Variants in KCNQ1 observed in about 807,000 individuals in gnomAD.
The protein encoded by KCNQ1 is potassium voltage-gated channel subfamily KQT member 1.
KCNQ1 carries 49 observed loss-of-function variants against 72.4 expected under a neutral mutation model. The observed-to-expected ratio is 0.68, with a 90% confidence interval of 0.54 to 0.86. The LOEUF is 0.86. Ranked by LOEUF, KCNQ1 falls within the 40% of genes least tolerant of loss-of-function variation. The pLI, the probability that KCNQ1 is intolerant of heterozygous loss-of-function variation, is 0.00. For synonymous variants in KCNQ1, 450 were observed against 412.6 expected (o/e 1.09, Z -1.10); for missense variants, 790 against 945.1 (o/e 0.84, Z 2.15).
intron 13 of KCNQ1, among the ~76,000 whole-genome samples, chr11:2,776,610 A>G (rs1846706795): frequency 2.0e-5 from 3 of 152,104 alleles, no homozygotes; most frequent in Admixed American, 2.0e-4. Context: ...TGCCTCCGAG[A>G]TGGGCTCGCC....
At chr11:2,530,088 GGTGT>G (rs1015662961) in intron 2 of KCNQ1, among the ~76,000 whole-genome samples, 5 of 152,122 alleles carry the variant, frequency 3.3e-5, no homozygotes, top group African/African-American at 4.8e-5. Flanking sequence ...TGTGAAGTGG[GGTGT>G]GTGTGTCATC....
Position 2,536,995 on chromosome 11 carries a change from A to C in KCNQ1, c.477+8977A>C, listed in dbSNP as rs1050507557. On this transcript the variant is annotated intron_variant, in intron 2 of 15. Transcript: ENST00000155840. The surrounding 1 kb of genome is among the most constrained non-coding windows in gnomAD (Gnocchi z 7.4). ...GAGTCTGGAGCCAAATTTCTCCTCTATGTAAGGACACCAGTCTTACTGGAT... is the reference window on the plus strand; with the variant it reads ...GAGTCTGGAGCCAAATTTCTCCTCTCTGTAAGGACACCAGTCTTACTGGAT... 6.6e-5 allele frequency among the ~76,000 whole-genome samples: 10 copies of C among 151,852 alleles called. 1 individual carries two copies. Among genetic ancestry groups the C allele is most frequent in the African/African-American group, 2.4e-4 (10 of 41,284 alleles).
At chr11:2,758,574 C>T (rs1270168227) in intron 11 of KCNQ1, among the ~76,000 whole-genome samples, 1 of 152,130 alleles carries the variant, frequency 6.6e-6, no homozygotes, top group South Asian at 2.1e-4. Flanking sequence ...CCCAAAGAAA[C>T]GAAGACTCAT....
In KCNQ1 at chr11:2,462,134, G is replaced by T. The variant is rs1846288282; in HGVS notation, c.386+16650G>T. Reference sequence around the variant, plus strand: ...CCTGGGCTGAGGGGGCGTTGCTGTGGGTGTATCTCATGGAGAGCCCCAAGG... The same window carrying T: ...CCTGGGCTGAGGGGGCGTTGCTGTGTGTGTATCTCATGGAGAGCCCCAAGG... On this transcript the variant is annotated intron_variant, in intron 1 of 15. Transcript: ENST00000155840. The surrounding 1 kb of genome is among the most constrained non-coding windows in gnomAD (Gnocchi z 8.2). 6.6e-6 allele frequency among the ~76,000 whole-genome samples: 1 copy of T among 152,096 alleles called. No homozygotes were observed. The highest frequency in any genetic ancestry group is 2.1e-4 in the South Asian group (1 of 4,820).
Position 2,620,553 on chromosome 11 carries a change from G to C in KCNQ1, c.1393+31699G>C, listed in dbSNP as rs1849153261. The C allele has an allele frequency of 7.6e-6, 3 of 396,220 alleles. No individual in the cohort carries two copies. Among genetic ancestry groups the C allele is most frequent in the South Asian group, 1.4e-4 (1 of 7,002 alleles). 24.5% of individuals were successfully genotyped at this position (396,220 alleles called of 1,614,324 possible). A position where few individuals can be genotyped will look rare whatever the true frequency, so the allele number is the denominator to read the frequency against. On this transcript the variant is annotated intron_variant, in intron 10 of 15. Transcript: ENST00000155840. The surrounding 1 kb of genome is among the most constrained non-coding windows in gnomAD (Gnocchi z 4.5). ...TTTTATGGCTGCATAGTATTCCATG[G>C]TGTACATGTACCACATTTTCTTTAT...
At chr11:2,770,341 A>G (rs1846571470) in intron 12 of KCNQ1, among the ~76,000 whole-genome samples, 1 of 152,216 alleles carries the variant, frequency 6.6e-6, no homozygotes, top group African/African-American at 2.4e-5. Flanking sequence ...AGGGTTTGGC[A>G]TAAGATCATA....
At position 2,677,063 on chromosome 11, in the gene KCNQ1, C is replaced by A; in HGVS notation, c.1514+14982C>A. The A allele has an allele frequency of 2.5e-6, 1 of 398,574 alleles. No homozygotes were observed. The highest frequency in any genetic ancestry group is 4.4e-6 in the Non-Finnish European group (1 of 226,060). 24.7% of individuals were successfully genotyped at this position (398,574 alleles called of 1,614,324 possible). ...ATGTAGGGCAGCTAAAAAACAGCAG[C>A]CATTAACCATTCAAATATATTCACT... On this transcript the variant is annotated intron_variant, in intron 11 of 15. Transcript: ENST00000155840. The surrounding 1 kb of genome is among the most constrained non-coding windows in gnomAD (Gnocchi z 4.5).
At position 2,668,270 on chromosome 11, in the gene KCNQ1, T is replaced by C; in HGVS notation, c.1514+6189T>C. ...GGTGTAGGTTGCTGTTTAAGAATAT[T>C]CTGTACATGCTTTTGGTGAGCATCA... On this transcript the variant is annotated intron_variant, in intron 11 of 15. Transcript: ENST00000155840. This position sits in a 1 kb window ranked among gnomAD's most constrained non-coding sequence, Gnocchi z 4.3. 2.5e-6 allele frequency: 1 copy of C among 398,664 alleles called. No individual in the cohort carries two copies. The highest frequency in any genetic ancestry group is 3.6e-5 in the East Asian group (1 of 28,080). The allele number at this position is 398,664 out of a possible 1,614,324, so 24.7% of individuals were successfully genotyped here. A position where few individuals can be genotyped will look rare whatever the true frequency, so the allele number is the denominator to read the frequency against.
In KCNQ1 at chr11:2,593,297, C is replaced by T. The variant is rs534870069; in HGVS notation, c.1393+4443C>T. ...CCCCAAATTCACTGGTCCTGGAGGC[C>T]GCCTCAGAGGCCTTTTGCTGCTCAG... On this transcript the variant is annotated intron_variant, in intron 10 of 15. Transcript: ENST00000155840. This position sits in a 1 kb window ranked among gnomAD's most constrained non-coding sequence, Gnocchi z 6.9. 1.9e-4 allele frequency among the ~76,000 whole-genome samples: 29 copies of T among 152,194 alleles called. No homozygotes were observed. Among genetic ancestry groups the T allele is most frequent in the African/African-American group, 6.5e-4 (27 of 41,514 alleles).
In KCNQ1 at chr11:2,784,835, T is replaced by C. The variant is rs1007308569; in HGVS notation, c.1794+6798T>C. ...AATTTCATTTTGAATTAATTGTTCA[T>C]TACTAGTATATAGAAGTAACATTAA... On this transcript the variant is annotated intron_variant, in intron 15 of 15. Coordinates refer to ENST00000155840, the MANE Select transcript of KCNQ1 (RefSeq NM_000218.3). This position sits in a 1 kb window ranked among gnomAD's most constrained non-coding sequence, Gnocchi z 4.7. 2.0e-4 allele frequency among the ~76,000 whole-genome samples: 30 copies of C among 152,050 alleles called. No individual in the cohort carries two copies. Among genetic ancestry groups the C allele is most frequent in the African/African-American group, 6.8e-4 (28 of 41,466 alleles).
In KCNQ1 at chr11:2,816,492, G is replaced by A. The variant is rs563840506; in HGVS notation, c.1795-31275G>A. On this transcript the variant is annotated intron_variant, in intron 15 of 15. Transcript: ENST00000155840. The surrounding 1 kb of genome is among the most constrained non-coding windows in gnomAD (Gnocchi z 6.8). ...GGACTGAGAATGGCTTCTGGGTTGT[G>A]CGTCATCGCTGTCCAGGAGTGGTGA... is the stretch of plus-strand genomic sequence containing the variant. Among the ~76,000 whole-genome samples, 71 of 152,286 alleles carry A rather than the reference G, an allele frequency of 4.7e-4. No individual in the cohort carries two copies. The highest frequency in any genetic ancestry group is 1.5e-3 in the African/African-American group (62 of 41,572).
At position 2,703,068 on chromosome 11, in the gene KCNQ1, A is replaced by G. The variant is rs956672721; in HGVS notation, c.1514+40987A>G. 1.3e-5 allele frequency among the ~76,000 whole-genome samples: 2 copies of G among 152,126 alleles called. No individual in the cohort carries two copies. Among genetic ancestry groups the G allele is most frequent in the Non-Finnish European group, 2.9e-5 (2 of 68,012 alleles). On this transcript the variant is annotated intron_variant, in intron 11 of 15. Coordinates refer to ENST00000155840, the MANE Select transcript of KCNQ1 (RefSeq NM_000218.3). This position sits in a 1 kb window ranked among gnomAD's most constrained non-coding sequence, Gnocchi z 6.4. ...ACACGTGGGAATTGGCTAGAGAAGC[A>G]TGTGAGGCTGGGCGGACTCCAGGCC... is the stretch of plus-strand genomic sequence containing the variant.
chr11:2,835,674 G>A (rs1159288513), intron 15 of KCNQ1, among the ~76,000 whole-genome samples: 1 of 152,224 alleles, frequency 6.6e-6, no homozygotes, highest in Non-Finnish European at 1.5e-5. Flanking sequence ...AAGTGGAGCA[G>A]GAGCCTGCAG....
chr11:2,776,279 G>A (rs544891032), intron 13 of KCNQ1, among the ~76,000 whole-genome samples: 25 of 152,242 alleles, frequency 1.6e-4, no homozygotes, highest in East Asian at 1.2e-3. Context: ...TTCCCCGCCC[G>A]GATCTGAGAT....
At chr11:2,574,007 G>A (rs1848380146) in intron 6 of KCNQ1, among the ~76,000 whole-genome samples, 1 of 152,202 alleles carries the variant, frequency 6.6e-6, no homozygotes, top group Non-Finnish European at 1.5e-5. Flanking sequence ...CCCTCTGGGA[G>A]CTGGTGGCTG....
intron 1 of KCNQ1, among the ~76,000 whole-genome samples, chr11:2,499,089 C>T (rs1846967615): frequency 6.6e-6 from 1 of 152,140 alleles, no homozygotes; most frequent in Admixed American, 6.5e-5. Context: ...GAACTTGGTA[C>T]CTCAGTCAGA....
In KCNQ1 at chr11:2,488,257, C is replaced by A. The variant is rs544135848; in HGVS notation, c.387-39671C>A. Among the ~76,000 whole-genome samples the A allele has an allele frequency of 6.6e-6, 1 of 152,216 alleles. No homozygotes were observed. Among genetic ancestry groups the A allele is most frequent in the Non-Finnish European group, 1.5e-5 (1 of 67,988 alleles). On this transcript the variant is annotated intron_variant, in intron 1 of 15. Coordinates refer to ENST00000155840, the MANE Select transcript of KCNQ1 (RefSeq NM_000218.3). This position sits in a 1 kb window ranked among gnomAD's most constrained non-coding sequence, Gnocchi z 5.1. ...GTAATACTTTAACTATGTTTCTGAACTCAGTTTGCTATTTTGTTGAGAATT... is the reference window on the plus strand; with the variant it reads ...GTAATACTTTAACTATGTTTCTGAAATCAGTTTGCTATTTTGTTGAGAATT...
chr11:2,778,372 G>A (rs559694367), intron 15 of KCNQ1, among the ~76,000 whole-genome samples: 1 of 152,352 alleles, frequency 6.6e-6, no homozygotes, highest in East Asian at 1.9e-4. Context: ...CCTCCTGGCT[G>A]TGTCCTGAGT....
intron 1 of KCNQ1, among the ~76,000 whole-genome samples, chr11:2,520,464 C>T (rs1847363040): frequency 1.3e-5 from 2 of 152,174 alleles, no homozygotes; most frequent in Admixed American, 1.3e-4. Flanking sequence ...ACCTTGGCGA[C>T]CTCCAAACCC....
Sources: gnomAD v4.1 joint callset for allele counts (sites outside exome capture counted in the v4.1 genomes callset) on GRCh38, gnomAD v4.1.1 for gene constraint, Gnocchi (gnomAD v3.1) non-coding constraint, MANE v1.5 for transcripts, NCBI Gene and HGNC (gene_info 2026-07-23, HGNC 2026-07-21) for gene names.